The following SESN1 variants were observed in gnomAD, a reference collection of about 807,000 sequenced individuals.
SESN1 encodes sestrin 1, also known as sestrin-1.
Under a neutral mutation model 59.3 loss-of-function variants are expected in SESN1, and 30 were observed. The observed-to-expected ratio is 0.51, with a 90% CI of 0.38 to 0.69. The LOEUF is 0.69. Ranked by LOEUF, SESN1 falls within the 30% of genes least tolerant of loss-of-function variation. The probability of loss-of-function intolerance (pLI) is 0.00; values close to 1 mark genes in which losing one functional copy is unlikely to be tolerated. For synonymous variants in SESN1, 197 were observed against 219.9 expected (o/e 0.90, Z 0.92); for missense variants, 566 against 673.0 (o/e 0.84, Z 1.76).
intron 1 of SESN1, among the ~76,000 whole-genome samples, chr6:109,041,410 A>AT (rs1780340928): frequency 6.6e-6 from 1 of 152,218 alleles, no homozygotes; most frequent in Non-Finnish European, 1.5e-5. Context: ...AATCTACCAA[A>AT]CATACTTGTA....
At chr6:109,040,189 C>T (rs1780315843) in intron 1 of SESN1, among the ~76,000 whole-genome samples, 1 of 152,070 alleles carries the variant, frequency 6.6e-6, no homozygotes, top group Admixed American at 6.6e-5. Flanking sequence ...CAACAACTAC[C>T]CCCACCACAA....
At chr6:109,032,098 C>T (rs763003438) in intron 1 of SESN1, among the ~76,000 whole-genome samples, 3 of 152,056 alleles carry the variant, frequency 2.0e-5, no homozygotes, top group Non-Finnish European at 4.4e-5. Flanking sequence ...GGAGAAACCC[C>T]ACCTCTACTA....
Position 108,986,632 on chromosome 6 carries a change from G to A in SESN1, c.*912C>T, listed in dbSNP as rs1445872518. On this transcript the variant is annotated 3_prime_UTR_variant, in exon 10 of 10. Transcript: ENST00000436639. Reference sequence around the variant, plus strand: ...ATATTTTCCAGCTTTATTATTTAAGGAGCTGCACAGCCTTTAAAGTGGGGA... The same window carrying A: ...ATATTTTCCAGCTTTATTATTTAAGAAGCTGCACAGCCTTTAAAGTGGGGA... The A allele has an allele frequency of 6.6e-6, 1 of 152,466 alleles. No individual in the cohort carries two copies. Among genetic ancestry groups the A allele is most frequent in the African/African-American group, 2.4e-5 (1 of 41,438 alleles). The allele number at this position is 152,466 out of a possible 1,614,324, so 9.4% of individuals were successfully genotyped here. A position where few individuals can be genotyped will look rare whatever the true frequency, so the allele number is the denominator to read the frequency against.
At chr6:109,049,917 G>C (rs1333179178) in intron 1 of SESN1, among the ~76,000 whole-genome samples, 1 of 152,026 alleles carries the variant, frequency 6.6e-6, no homozygotes, top group African/African-American at 2.4e-5. Flanking sequence ...ACATCTCCAT[G>C]TCTGACTTTG....
At chr6:109,072,770 G>A (rs978990090) in intron 1 of SESN1, among the ~76,000 whole-genome samples, 2 of 152,054 alleles carry the variant, frequency 1.3e-5, no homozygotes, top group Non-Finnish European at 2.9e-5. Context: ...GGAGTTTAAA[G>A]TAAACAGGAA....
intron 1 of SESN1, among the ~76,000 whole-genome samples, chr6:109,046,963 C>CCTCACTTCTCACTAGGAAGTGAGGAG (rs2114430643): frequency 9.1e-6 from 1 of 109,540 alleles, no homozygotes; most frequent in Non-Finnish European, 1.9e-5. Flanking sequence ...GCGTCTCCAC[C>CCTCACTTCTCACTAGGAAGTGAGGAG]CGGCAGCCAC....
intron 1 of SESN1, among the ~76,000 whole-genome samples, chr6:109,073,950 A>G (rs4470882): frequency 6.6e-6 from 1 of 152,234 alleles, no homozygotes; most frequent in Admixed American, 6.5e-5. Flanking sequence ...GATAACCGCT[A>G]TTAGTATTGG....
chr6:108,990,553 A>T (rs1779351267), intron 8 of SESN1, 92 bp downstream of exon 8: 3 of 1,117,218 alleles, frequency 2.7e-6, no homozygotes, highest in Non-Finnish European at 4.0e-6. Flanking sequence ...GGTTTTGATT[A>T]TGTGTGTGTC....
At chr6:109,031,656 G>A in intron 1 of SESN1, among the ~76,000 whole-genome samples, 1 of 152,180 alleles carries the variant, frequency 6.6e-6, no homozygotes, top group African/African-American at 2.4e-5. Context: ...TTTCCAGTGA[G>A]CTAGCCAGTC....
At chr6:109,005,294 T>C (rs1244748587) in intron 1 of SESN1, among the ~76,000 whole-genome samples, 1 of 152,096 alleles carries the variant, frequency 6.6e-6, no homozygotes, top group East Asian at 1.9e-4. Context: ...CAAGTTATAT[T>C]ACAATAATGG....
chr6:109,015,923 A>G (rs2114358894), intron 1 of SESN1, among the ~76,000 whole-genome samples: 1 of 152,334 alleles, frequency 6.6e-6, no homozygotes, highest in South Asian at 2.1e-4. Flanking sequence ...TAGTGCTTCT[A>G]TTTGTGCACA....
chr6:109,011,834 G>GTC (rs2114349347), intron 1 of SESN1, among the ~76,000 whole-genome samples: 1 of 152,024 alleles, frequency 6.6e-6, no homozygotes, highest in East Asian at 1.9e-4. Flanking sequence ...TCATTATGTT[G>GTC]TCTAGGCTGG....
intron 1 of SESN1, among the ~76,000 whole-genome samples, chr6:109,008,450 AT>A (rs151285329): frequency 0.1 from 15,193 of 152,242 alleles, 910 homozygotes; most frequent in Middle Eastern, 0.19. Flanking sequence ...TCTCAAAAAA[AT>A]ATTTGGTGCT....
chr6:109,067,494 G>C (rs1780854245), intron 1 of SESN1, among the ~76,000 whole-genome samples: 1 of 152,274 alleles, frequency 6.6e-6, no homozygotes, highest in Non-Finnish European at 1.5e-5. Flanking sequence ...AACAAAAAAG[G>C]AATGTAAGCT....
At chr6:109,028,573 C>T (rs185496424) in intron 1 of SESN1, among the ~76,000 whole-genome samples, 210 of 152,178 alleles carry the variant, frequency 1.4e-3, no homozygotes, top group African/African-American at 4.8e-3. Flanking sequence ...GCCTTTCTTC[C>T]GGGCAATACT....
intron 1 of SESN1, among the ~76,000 whole-genome samples, chr6:109,012,848 C>G (rs1003533581): frequency 6.6e-6 from 1 of 152,038 alleles, no homozygotes; most frequent in African/African-American, 2.4e-5. Context: ...GGCGTGGTGG[C>G]TTACGCCTGT....
rs1779170045 is a variant in SESN1, at chr6:108,985,847, T to C, written c.*1697A>G. Among the ~76,000 whole-genome samples, 2 of 152,196 alleles carry C rather than the reference T, an allele frequency of 1.3e-5. No homozygotes were observed. Among genetic ancestry groups the C allele is most frequent in the African/African-American group, 4.8e-5 (2 of 41,448 alleles). ...GGCATGATGCATATTCAATGAGTAA[T>C]GCACTTATAAGTAAGTTTCTTTAAA... On this transcript the variant is annotated 3_prime_UTR_variant, in exon 10 of 10. Coordinates refer to ENST00000436639, the MANE Select transcript of SESN1 (RefSeq NM_014454.3).
At chr6:109,033,455 G>A (rs1780211945) in intron 1 of SESN1, among the ~76,000 whole-genome samples, 1 of 152,178 alleles carries the variant, frequency 6.6e-6, no homozygotes, top group Non-Finnish European at 1.5e-5. Context: ...TCAATAGGAT[G>A]ATAAGGTTAT....
At position 109,049,531 on chromosome 6, in the gene SESN1, T is replaced by C. The variant is rs146403647; in HGVS notation, c.279+44264A>G. Among the ~76,000 whole-genome samples, 9 of 152,118 alleles carry C rather than the reference T, an allele frequency of 5.9e-5. No individual in the cohort carries two copies. In the East Asian group the frequency reaches 1.7e-3, roughly 29 times the overall value. ...TTTCAAACAGCTAGAAGAGAGGAAA[T>C]TGAATGTTTTCAACACAAAGAAATA... On this transcript the variant is annotated intron_variant, in intron 1 of 9. Coordinates refer to ENST00000436639, the MANE Select transcript of SESN1 (RefSeq NM_014454.3).
Sources: allele counts gnomAD v4.1 joint callset (sites outside exome capture counted in the v4.1 genomes callset), GRCh38; gene constraint gnomAD v4.1.1; transcripts MANE v1.5; gene names NCBI Gene and HGNC (gene_info 2026-07-23, HGNC 2026-07-21).